Variants in STIM2 observed in about 807,000 individuals in gnomAD.
STIM2 encodes the protein stromal interaction molecule 2.
In STIM2, 31 loss-of-function variants were observed where a neutral mutation model predicts 85.8. The observed-to-expected ratio is 0.36, with a 90% CI of 0.27 to 0.49. The LOEUF (loss-of-function observed/expected upper bound fraction) is 0.49. Among genes scored for constraint, STIM2 ranks in the 20% least tolerant of loss-of-function variants. STIM2 has a pLI of 0.98. For synonymous variants in STIM2, 356 were observed against 331.1 expected, an observed-to-expected ratio of 1.08 and a Z score of -0.82; for missense variants, 841 against 927.6, an observed-to-expected ratio of 0.91 and a Z score of 1.21.
At chr4:26,948,534 G>T (rs1238335672) in intron 2 of STIM2, among the ~76,000 whole-genome samples, 1 of 152,170 alleles carries the variant, frequency 6.6e-6, no homozygotes, top group African/African-American at 2.4e-5. Context: ...AGGCAAGTTG[G>T]AAGGATTGCT....
At chr4:26,866,777 C>T (rs1722425090) in intron 1 of STIM2, among the ~76,000 whole-genome samples, 1 of 152,048 alleles carries the variant, frequency 6.6e-6, no homozygotes, top group Non-Finnish European at 1.5e-5. Context: ...CTTTTCTTGG[C>T]ATATCCATTT....
intron 1 of STIM2, among the ~76,000 whole-genome samples, chr4:26,895,138 G>T (rs912687225): frequency 3.3e-5 from 5 of 152,344 alleles, no homozygotes; most frequent in Middle Eastern, 3.4e-3. Context: ...CTTGAACTTG[G>T]GAGGCAGAGG....
intron 2 of STIM2, among the ~76,000 whole-genome samples, chr4:26,931,880 A>G (rs1397294100): frequency 6.6e-6 from 1 of 152,226 alleles, no homozygotes; most frequent in Non-Finnish European, 1.5e-5. Context: ...TTAAAGTAGC[A>G]GAGAATGTTA....
intron 1 of STIM2, among the ~76,000 whole-genome samples, chr4:26,889,031 T>G (rs1229231758): frequency 6.6e-6 from 1 of 152,184 alleles, no homozygotes; most frequent in Non-Finnish European, 1.5e-5. Flanking sequence ...GAAACAGTCC[T>G]CTTTTTGGAA....
intron 3 of STIM2, among the ~76,000 whole-genome samples, chr4:26,989,863 A>G (rs1262377557): frequency 2.0e-5 from 3 of 152,188 alleles, no homozygotes; most frequent in Non-Finnish European, 2.9e-5. Flanking sequence ...CTTCTTTACA[A>G]TAGGTACCAA....
At chr4:27,011,521 C>T (rs1577496340) in intron 10 of STIM2, among the ~76,000 whole-genome samples, 1 of 152,224 alleles carries the variant, frequency 6.6e-6, no homozygotes, top group Middle Eastern at 3.4e-3. Flanking sequence ...ATTGGGAAGG[C>T]ACCTTTTACT....
intron 2 of STIM2, among the ~76,000 whole-genome samples, chr4:26,943,087 C>A (rs1725678801): frequency 6.6e-6 from 1 of 152,076 alleles, no homozygotes; most frequent in Admixed American, 6.6e-5. Flanking sequence ...TTGGCATCAT[C>A]CTTGATGTTT....
intron 3 of STIM2, among the ~76,000 whole-genome samples, chr4:26,969,273 G>A (rs1213509024): frequency 6.6e-6 from 1 of 152,158 alleles, no homozygotes. Flanking sequence ...GGATGGAGGC[G>A]GGTTGGGGAA....
intron 3 of STIM2, among the ~76,000 whole-genome samples, chr4:26,978,043 G>T (rs1308104433): frequency 6.6e-6 from 1 of 152,104 alleles, no homozygotes; most frequent in East Asian, 1.9e-4. Flanking sequence ...TAAGGTTATT[G>T]ATCTTAACAG....
chr4:26,897,939 G>C (rs1412952501), intron 1 of STIM2, among the ~76,000 whole-genome samples: 2 of 152,024 alleles, frequency 1.3e-5, no homozygotes, highest in African/African-American at 2.4e-5. Context: ...AATTTTTATA[G>C]AAATTTTTGT....
chr4:27,014,797 C>T (rs747184135), intron 10 of STIM2, among the ~76,000 whole-genome samples: 3 of 151,856 alleles, frequency 2.0e-5, no homozygotes, highest in Non-Finnish European at 4.4e-5. Flanking sequence ...GTCAGTTTCT[C>T]CTTACAATTC....
At chr4:26,909,093 G>T (rs542245144) in intron 1 of STIM2, among the ~76,000 whole-genome samples, 213 of 152,206 alleles carry the variant, frequency 1.4e-3, no homozygotes, top group African/African-American at 4.8e-3. Flanking sequence ...GAAAATAAAA[G>T]ATATTTTTGA....
At chr4:26,972,276 T>C (rs1726984703) in intron 3 of STIM2, among the ~76,000 whole-genome samples, 1 of 152,178 alleles carries the variant, frequency 6.6e-6, no homozygotes, top group Admixed American at 6.5e-5. Flanking sequence ...CCCAACACTA[T>C]GTTGAATAGG....
intron 5 of STIM2, among the ~76,000 whole-genome samples, chr4:27,001,997 A>G (rs1728172206): frequency 5.3e-5 from 8 of 152,146 alleles, no homozygotes; most frequent in Admixed American, 5.2e-4. Flanking sequence ...GTGTGTCTAT[A>G]TGGGTTTACC....
intron 2 of STIM2, among the ~76,000 whole-genome samples, chr4:26,944,979 G>A (rs1725759742): frequency 6.6e-6 from 1 of 152,140 alleles, no homozygotes; most frequent in African/African-American, 2.4e-5. Context: ...TGCAGGATGT[G>A]CAGATTTGTT....
intron 4 of STIM2, among the ~76,000 whole-genome samples, chr4:26,998,796 C>G (rs922496835): frequency 5.3e-5 from 8 of 151,740 alleles, no homozygotes; most frequent in African/African-American, 1.7e-4. Context: ...CCTGTAGTCC[C>G]AGCTACTTGG....
chr4:26,966,980 C>G (rs1720914980), intron 3 of STIM2, among the ~76,000 whole-genome samples: 1 of 152,192 alleles, frequency 6.6e-6, no homozygotes, highest in South Asian at 2.1e-4. Flanking sequence ...GTTTCTCCCT[C>G]TCTTTGCATC....
intron 4 of STIM2, among the ~76,000 whole-genome samples, chr4:26,997,267 T>TA (rs1727991617): frequency 6.6e-6 from 1 of 152,234 alleles, no homozygotes; most frequent in Admixed American, 6.5e-5. Context: ...ACATATTCTA[T>TA]AGATAGTTGG....
intron 2 of STIM2, among the ~76,000 whole-genome samples, chr4:26,941,555 T>C (rs1725612454): frequency 6.6e-6 from 1 of 152,170 alleles, no homozygotes; most frequent in South Asian, 2.1e-4. Flanking sequence ...AGGATTTTCA[T>C]GTTCAAAGAA....
Sources: gnomAD v4.1 joint callset for allele counts (sites outside exome capture counted in the v4.1 genomes callset) on GRCh38, gnomAD v4.1.1 for gene constraint, MANE v1.5 for transcripts, NCBI Gene and HGNC (gene_info 2026-07-23, HGNC 2026-07-21) for gene names.